The following IRAK2 variants were observed in gnomAD, a reference collection of about 807,000 sequenced individuals.
IRAK2 encodes the protein interleukin-1 receptor-associated kinase-like 2.
Under a neutral mutation model 72.0 loss-of-function variants are expected in IRAK2, and 57 were observed. That is an observed-to-expected ratio of 0.79 (90% confidence interval 0.64 to 0.99). The LOEUF is 0.99. IRAK2 is among the 50% of genes least tolerant of loss of function. The probability of loss-of-function intolerance (pLI) is 0.00; values close to 1 mark genes in which losing one functional copy is unlikely to be tolerated. For synonymous variants in IRAK2, 293 were observed against 312.7 expected (o/e 0.94, Z 0.67); for missense variants, 790 against 794.4 (o/e 0.99, Z 0.07).
Position 10,241,247 on chromosome 3 carries a change from C to T in IRAK2, c.1766-869C>T, listed in dbSNP as rs572650702. ...GCAACATGGTGAAAACCTGTCTCTA[C>T]GAAAGATGCAAAAATTAGCCAGGTG... On this transcript the variant is annotated intron_variant, in intron 12 of 12. Transcript: ENST00000256458. 1.8e-3 allele frequency among the ~76,000 whole-genome samples: 213 copies of T among 118,764 alleles called. 1 individual carries two copies. Among genetic ancestry groups the T allele is most frequent in the South Asian group, 4.5e-3 (14 of 3,100 alleles). 77.9% of individuals were successfully genotyped at this position (118,764 alleles called of 152,430 possible).
At chr3:10,172,310 T>A (rs558065194) in intron 1 of IRAK2, among the ~76,000 whole-genome samples, 205 of 151,750 alleles carry the variant, frequency 1.4e-3, no homozygotes, top group African/African-American at 4.7e-3. Context: ...GAGCTTGCAG[T>A]GAGCAGAGAT....
chr3:10,218,423 C>CAAAA (rs56893916), intron 7 of IRAK2, among the ~76,000 whole-genome samples: 26 of 49,066 alleles, frequency 5.3e-4, no homozygotes, highest in African/African-American at 5.7e-4. Context: ...GACTCCGTCT[C>CAAAA]AAAAAAAAAA....
intron 2 of IRAK2, among the ~76,000 whole-genome samples, chr3:10,194,221 G>T (rs1324578333): frequency 1.3e-5 from 2 of 151,492 alleles, no homozygotes; most frequent in African/African-American, 4.9e-5. Context: ...AGCTGGAATC[G>T]CAGAGCTTGG....
At chr3:10,185,015 G>A (rs186078113) in intron 2 of IRAK2, among the ~76,000 whole-genome samples, 9 of 151,138 alleles carry the variant, frequency 6.0e-5, no homozygotes, top group African/African-American at 2.0e-4. Flanking sequence ...ACAGGCGTGA[G>A]CCCCTGCGCC....
At chr3:10,206,994 C>T (rs1697443625) in intron 3 of IRAK2, among the ~76,000 whole-genome samples, 1 of 152,056 alleles carries the variant, frequency 6.6e-6, no homozygotes. Context: ...GCTGGGATTA[C>T]AGGCACTCGC....
chr3:10,193,036 C>A (rs940630503), intron 2 of IRAK2, among the ~76,000 whole-genome samples: 5 of 152,142 alleles, frequency 3.3e-5, no homozygotes, highest in Non-Finnish European at 1.5e-5. Flanking sequence ...TTAGGAGGAT[C>A]CCCCTGCTGG....
Position 10,240,280 on chromosome 3 carries a change from C to A in IRAK2, c.1765+1241C>A, listed in dbSNP as rs531973069. On this transcript the variant is annotated intron_variant, in intron 12 of 12. Coordinates refer to ENST00000256458, the MANE Select transcript of IRAK2 (RefSeq NM_001570.4). ...GACCAGTCTGGCCAATATGGTGAAA[C>A]CCCATCTCTCTACTAAAAATACAAA... is the stretch of plus-strand genomic sequence containing the variant. Among the ~76,000 whole-genome samples, 4 of 151,018 alleles carry A rather than the reference C, an allele frequency of 2.6e-5. No homozygotes were observed. In the South Asian group the frequency reaches 8.4e-4, roughly 32 times the overall value.
chr3:10,213,108 C>A, intron 4 of IRAK2, 99 bp from the exon 5 acceptor site: 1 of 977,430 alleles, frequency 1.0e-6, no homozygotes, highest in Non-Finnish European at 1.5e-6. Flanking sequence ...ATAAGTTGAT[C>A]CCCTCCATCC....
chr3:10,176,664 A>G (rs1241635327), intron 1 of IRAK2, among the ~76,000 whole-genome samples: 1 of 148,608 alleles, frequency 6.7e-6, no homozygotes, highest in East Asian at 2.0e-4. Flanking sequence ...TTTTTAGTAG[A>G]GACGAGGTTT....
chr3:10,180,225 A>C (rs1696940284), intron 2 of IRAK2, among the ~76,000 whole-genome samples: 1 of 152,008 alleles, frequency 6.6e-6, no homozygotes, highest in African/African-American at 2.4e-5. Flanking sequence ...AGACCCCCTC[A>C]GCGTAGGGCA....
chr3:10,192,025 T>A (rs1488966864), intron 2 of IRAK2, among the ~76,000 whole-genome samples: 110 of 114,538 alleles, frequency 9.6e-4, no homozygotes, highest in African/African-American at 4.4e-3. Flanking sequence ...GAGTTGGGAG[T>A]GTGTGTGTGT....
At chr3:10,186,772 T>C (rs2125146271) in intron 2 of IRAK2, among the ~76,000 whole-genome samples, 1 of 149,202 alleles carries the variant, frequency 6.7e-6, no homozygotes, top group South Asian at 2.1e-4. Context: ...GGTCTTTGTT[T>C]TCTTTCTTTC....
chr3:10,233,196 C>T (rs1378321752), intron 10 of IRAK2, among the ~76,000 whole-genome samples: 1 of 152,026 alleles, frequency 6.6e-6, no homozygotes, highest in Non-Finnish European at 1.5e-5. Flanking sequence ...ACTATAGGCA[C>T]GCACCGCCAT....
chr3:10,240,273 G>A (rs1019154435), intron 12 of IRAK2, among the ~76,000 whole-genome samples: 3 of 151,180 alleles, frequency 2.0e-5, no homozygotes, highest in Admixed American at 2.0e-4. Context: ...TGGCCAATAT[G>A]GTGAAACCCC....
At chr3:10,241,432 G>A (rs1169199405) in intron 12 of IRAK2, among the ~76,000 whole-genome samples, 9 of 150,946 alleles carry the variant, frequency 6.0e-5, no homozygotes, top group Admixed American at 1.3e-4. Flanking sequence ...GGTGGTGGGC[G>A]CCTATAATCC....
intron 3 of IRAK2, 61 bp from the exon 4 acceptor site, chr3:10,209,528 C>T (rs1697485673): frequency 8.9e-7 from 1 of 1,121,336 alleles, no homozygotes; most frequent in Non-Finnish European, 1.3e-6. Flanking sequence ...AGGACTAGAC[C>T]AGGATCCCTC....
At chr3:10,204,192 A>G (rs563170781) in intron 3 of IRAK2, among the ~76,000 whole-genome samples, 1 of 152,346 alleles carries the variant, frequency 6.6e-6, no homozygotes, top group African/African-American at 2.4e-5. Context: ...TTACCTGGAC[A>G]AGAAACAGAC....
intron 9 of IRAK2, among the ~76,000 whole-genome samples, chr3:10,225,889 C>T (rs1461558037): frequency 2.6e-5 from 4 of 151,860 alleles, no homozygotes; most frequent in Admixed American, 6.6e-5. Flanking sequence ...TTAGTAGAGA[C>T]GGGGTTTCGC....
At chr3:10,241,860 C>G (rs1698065915) in intron 12 of IRAK2, among the ~76,000 whole-genome samples, 1 of 146,860 alleles carries the variant, frequency 6.8e-6, no homozygotes, top group South Asian at 2.2e-4. Flanking sequence ...GTAGTCCCTG[C>G]TACTCCGGAG....
Sources: allele counts gnomAD v4.1 joint callset (sites outside exome capture counted in the v4.1 genomes callset), GRCh38; gene constraint gnomAD v4.1.1; transcripts MANE v1.5; gene names NCBI Gene and HGNC (gene_info 2026-07-23, HGNC 2026-07-21).